Variants in TMEM67 observed in about 807,000 individuals in gnomAD.
The protein encoded by TMEM67 is transmembrane protein 67, also known as meckelin.
A neutral mutation model predicts 136.6 loss-of-function variants in TMEM67; 124 were observed. The ratio of observed to expected loss-of-function variants is 0.91; its 90% CI spans 0.78 to 1.05. The LOEUF is 1.05. Among genes scored for constraint, TMEM67 ranks in the 50% least tolerant of loss-of-function variants. The pLI is 0.00. For synonymous variants in TMEM67, 364 were observed against 390.5 expected (o/e 0.93, Z 0.80); for missense variants, 1,107 against 1,178.4 (o/e 0.94, Z 0.89).
chr8:93,791,252 T>A lies in TMEM67; in HGVS notation c.1519-11T>A, dbSNP rs1264777739. 1 of 1,580,856 alleles carries A rather than the reference T, an allele frequency of 6.3e-7. No individual in the cohort carries two copies. Among genetic ancestry groups the A allele is most frequent in the Non-Finnish European group, 8.7e-7 (1 of 1,151,136 alleles). ...TTCAGTATAGCTAATTTGTTTTGTT[T>A]TAAATATCAGGTTTCTTTCTCAGTC... On this transcript the variant is annotated splice_polypyrimidine_tract_variant and intron_variant, in intron 14 of 27. Coordinates refer to ENST00000453321, the MANE Select transcript of TMEM67 (RefSeq NM_153704.6).
At chr8:93,761,596 A>T (rs1812836354) in intron 3 of TMEM67, among the ~76,000 whole-genome samples, 1 of 152,202 alleles carries the variant, frequency 6.6e-6, no homozygotes, top group Non-Finnish European at 1.5e-5. Context: ...TCAAGATGAG[A>T]TCAATCAATT....
At chr8:93,822,430 G>C (rs1449593415), downstream of TMEM67, among the ~76,000 whole-genome samples, 2 of 152,182 alleles carry the variant, frequency 1.3e-5, no homozygotes, top group African/African-American at 4.8e-5. Context: ...CTTTTGGTTG[G>C]ACTATCCTGA....
At chr8:93,804,310 C>CTTTTTTTTTTTTTTTTTT (rs1182297223) in intron 22 of TMEM67, among the ~76,000 whole-genome samples, 4 of 93,810 alleles carry the variant, frequency 4.3e-5, no homozygotes, top group Admixed American at 1.3e-4. Context: ...CTTTTCTTTT[C>CTTTTTTTTTTTTTTTTTT]TTTTTTTTTT....
At chr8:93,812,736 T>G (rs1808749474) in intron 26 of TMEM67, among the ~76,000 whole-genome samples, 1 of 152,098 alleles carries the variant, frequency 6.6e-6, no homozygotes, top group Admixed American at 6.6e-5. Flanking sequence ...GTTATTATTG[T>G]TATTATTTTT....
chr8:93,816,516 G>T lies in TMEM67; in HGVS notation c.*64G>T. 1 of 876,328 alleles carries T rather than the reference G, an allele frequency of 1.1e-6. No homozygotes were observed. The highest frequency in any genetic ancestry group is 1.9e-6 in the Non-Finnish European group (1 of 531,304). 54.3% of individuals were successfully genotyped at this position (876,328 alleles called of 1,614,324 possible). A position where few individuals can be genotyped will look rare whatever the true frequency, so the allele number is the denominator to read the frequency against. On this transcript the variant is annotated 3_prime_UTR_variant, in exon 28 of 28. Coordinates refer to ENST00000453321, the MANE Select transcript of TMEM67 (RefSeq NM_153704.6). ...GGCCAAAAAAAAGTCATGATATCAG[G>T]TTAGTTTGCCATATTTTTTAAAACT...
In TMEM67 at chr8:93,816,540, C is replaced by T; in HGVS notation, c.*88C>T. On this transcript the variant is annotated 3_prime_UTR_variant, in exon 28 of 28. Transcript: ENST00000453321. ...GGTTAGTTTGCCATATTTTTTAAAA[C>T]TTATAATGCAGACTATTCTGTTTTT... The T allele has an allele frequency of 2.8e-6, 2 of 711,040 alleles. No individual in the cohort carries two copies. The highest frequency in any genetic ancestry group is 2.5e-5 in the East Asian group (1 of 39,310). The allele number at this position is 711,040 out of a possible 1,614,324, so 44.0% of individuals were successfully genotyped here.
Position 93,797,050 on chromosome 8 carries a change from T to A in TMEM67, c.1861-84T>A, listed in dbSNP as rs1436815675. ...ATTATATGTTCTTGTGATAACAGTA[T>A]GTTTCTTAAAGAGTCAATATTGGTT... On this transcript the variant is annotated intron_variant, in intron 18 of 27. Transcript: ENST00000453321. The A allele has an allele frequency of 3.7e-6, 3 of 805,338 alleles. No individual in the cohort carries two copies. The African/African-American group carries it at 5.1e-5, about 14-fold the overall frequency. 49.9% of individuals were successfully genotyped at this position (805,338 alleles called of 1,614,324 possible).
At chr8:93,810,804 C>T (rs904812282) in intron 26 of TMEM67, among the ~76,000 whole-genome samples, 11 of 152,026 alleles carry the variant, frequency 7.2e-5, no homozygotes, top group African/African-American at 2.7e-4. Flanking sequence ...TTGTTTAATG[C>T]CAAACTATGA....
Position 93,768,250 on chromosome 8 carries a change from C to T in TMEM67, c.651+2604C>T, listed in dbSNP as rs796145763. Among the ~76,000 whole-genome samples the T allele has an allele frequency of 1.0e-4, 15 of 145,540 alleles. No homozygotes were observed. The South Asian group carries it at 1.1e-3, about 10-fold the overall frequency. ...ACACTTAGTATGTCCTCTCACCAAA[C>T]GTAGCTAGGAAATATACACATACAT... On this transcript the variant is annotated intron_variant, in intron 6 of 27. Coordinates refer to ENST00000453321, the MANE Select transcript of TMEM67 (RefSeq NM_153704.6).
At chr8:93,813,874 G>A (rs1406825170) in intron 26 of TMEM67, among the ~76,000 whole-genome samples, 4 of 152,092 alleles carry the variant, frequency 2.6e-5, no homozygotes, top group Non-Finnish European at 4.4e-5. Flanking sequence ...CCAAGAGAGA[G>A]CATGTAAAAC....
rs192592771 is a variant in TMEM67, at chr8:93,813,032, G to A, written c.2765-2273G>A. Among the ~76,000 whole-genome samples the A allele has an allele frequency of 2.6e-5, 4 of 152,166 alleles. No individual in the cohort carries two copies. The East Asian group carries it at 7.7e-4, about 29-fold the overall frequency. On this transcript the variant is annotated intron_variant, in intron 26 of 27. Coordinates refer to ENST00000453321, the MANE Select transcript of TMEM67 (RefSeq NM_153704.6). ...ATTACAGGCATGAGTCACCGTGTCT[G>A]GCCCTATTATTTTTAATAATACAAT... is the stretch of plus-strand genomic sequence containing the variant.
At chr8:93,804,310 CTTTT>C (rs1182297223) in intron 22 of TMEM67, among the ~76,000 whole-genome samples, 3 of 93,810 alleles carry the variant, frequency 3.2e-5, no homozygotes, top group African/African-American at 1.2e-4. Flanking sequence ...CTTTTCTTTT[CTTTT>C]TTTTTTTTTT....
chr8:93,822,812 G>T (rs1417006270), downstream of TMEM67, among the ~76,000 whole-genome samples: 1 of 152,144 alleles, frequency 6.6e-6, no homozygotes, highest in Admixed American at 6.5e-5. Context: ...CACAAAACAG[G>T]TCATGCTTCA....
Position 93,780,767 on chromosome 8 carries a change from T to C in TMEM67, c.869+20T>C, listed in dbSNP as rs181332072. 395 of 1,613,674 alleles carry C rather than the reference T, an allele frequency of 2.4e-4. No individual in the cohort carries two copies. The highest frequency in any genetic ancestry group is 6.9e-5 in the Non-Finnish European group (81 of 1,179,846). ...ATTTTGGTAAGGATATTTTGATTGA[T>C]GAAATGTTATTTTGACTGAATTCAG... On this transcript the variant is annotated intron_variant, in intron 8 of 27. Coordinates refer to ENST00000453321, the MANE Select transcript of TMEM67 (RefSeq NM_153704.6).
At chr8:93,811,805 C>CTTCA (rs1450532527) in intron 26 of TMEM67, among the ~76,000 whole-genome samples, 1 of 152,072 alleles carries the variant, frequency 6.6e-6, no homozygotes, top group Non-Finnish European at 1.5e-5. Flanking sequence ...CACCACTGCA[C>CTTCA]TTCAGCCTGG....
Position 93,795,423 on chromosome 8 carries a change from C to A in TMEM67, c.1689C>A (p.Phe563Leu). ...PMIDLQTVVK[F>L]LVYYAGDLAN... is the part of the protein sequence containing the mutation. Reference sequence around the variant, plus strand: ...TTAAATTGCAGACAGTTGTGAAATTCTTGGTGTACTATGCTGGTGATCTGG... The same window carrying A: ...TTAAATTGCAGACAGTTGTGAAATTATTGGTGTACTATGCTGGTGATCTGG... Residue 563 changes from phenylalanine (F) to leucine (L), a missense_variant, in exon 17 of 28, where the codon TTC (phenylalanine) becomes TTA (leucine). Phe to Leu is a conservative substitution (Grantham distance 22, BLOSUM62 0). Around this residue, in one of 3 missense-constraint regions of TMEM67, gnomAD observed 925 missense variants for 1,002.4 expected, o/e 0.92. Transcript: ENST00000453321. 6.2e-7 allele frequency: 1 copy of A among 1,613,870 alleles called. No individual in the cohort carries two copies. The highest frequency in any genetic ancestry group is 8.5e-7 in the Non-Finnish European group (1 of 1,179,846).
At chr8:93,792,323 C>T (rs1814416121) in intron 15 of TMEM67, among the ~76,000 whole-genome samples, 1 of 152,110 alleles carries the variant, frequency 6.6e-6, no homozygotes, top group Non-Finnish European at 1.5e-5. Flanking sequence ...GGGCACACAC[C>T]ACCACGCCCA....
chr8:93,809,749 C>A, intron 25 of TMEM67, 36 bp from the exon 26 acceptor site: 1 of 1,192,050 alleles, frequency 8.4e-7, no homozygotes, highest in Non-Finnish European at 1.3e-6. Context: ...TATTTCACTA[C>A]TGTTTGTGAA....
Position 93,780,661 on chromosome 8 carries a change from C to T in TMEM67, c.783C>T (p.Asp261=), listed in dbSNP as rs780748968. The change falls in exon 8 of 28, where the codon GAC becomes GAT. Residue 261 remains aspartate (D), a synonymous_variant. Coordinates refer to ENST00000453321, the MANE Select transcript of TMEM67 (RefSeq NM_153704.6). Reference sequence around the variant, plus strand: ...GTGTGATGAACATGAATTCTTACGACTTTGCCACATTTGATGCATGTGGAC... The same window carrying T: ...GTGTGATGAACATGAATTCTTACGATTTTGCCACATTTGATGCATGTGGAC... ...NMCVMNMNSY[D]FATFDACGLF... The T allele has an allele frequency of 2.5e-6, 4 of 1,613,942 alleles. No individual in the cohort carries two copies. The Admixed American group carries it at 5.0e-5, about 20-fold the overall frequency.
Sources: gnomAD v4.1 joint callset for allele counts (sites outside exome capture counted in the v4.1 genomes callset) on GRCh38, gnomAD v4.1.1 for gene constraint, gnomAD v4.1.1 regional missense constraint, MANE v1.5 for transcripts, NCBI Gene and HGNC (gene_info 2026-07-23, HGNC 2026-07-21) for gene names.